The following PCDHA8 variants were observed in gnomAD, a reference collection of about 807,000 sequenced individuals.
PCDHA8 encodes protocadherin alpha-8.
PCDHA8 carries 53 observed loss-of-function variants against 61.8 expected under a neutral mutation model. The ratio of observed to expected loss-of-function variants is 0.86; its 90% CI spans 0.69 to 1.08. The LOEUF (loss-of-function observed/expected upper bound fraction) is 1.08, where lower values mean the gene tolerates loss of function less well. PCDHA8 is among the 50% of genes least tolerant of loss of function. The pLI is 0.00. For missense variants in PCDHA8, 1,293 were observed against 1,245.0 expected, an observed-to-expected ratio of 1.04 and a Z score of -0.58; for synonymous variants, 618 against 556.6, an observed-to-expected ratio of 1.11 and a Z score of -1.55.
chr5:140,853,275 T>C lies in PCDHA8; in HGVS notation c.2394+9560T>C, dbSNP rs144030935. On this transcript the variant is annotated intron_variant, in intron 1 of 3. Coordinates refer to ENST00000531613, the MANE Select transcript of PCDHA8 (RefSeq NM_018911.3). The stretch of plus-strand genomic sequence containing the variant: ...TTCTCTCTCAGAGTACAAGCTCTCA[T>C]CATATGCAAATTCTCAGAAGGGCTG... The C allele has an allele frequency of 8.2e-6, 8 of 978,484 alleles. No homozygotes were observed. The East Asian group carries it at 9.1e-4, about 111-fold the overall frequency. The allele number at this position is 978,484 out of a possible 1,614,324, so 60.6% of individuals were successfully genotyped here. A position where few individuals can be genotyped will look rare whatever the true frequency, so the allele number is the denominator to read the frequency against.
intron 1 of PCDHA8, chr5:140,966,441 C>A (rs2096002534): frequency 4.7e-6 from 2 of 424,804 alleles, no homozygotes; most frequent in South Asian, 1.8e-4. Context: ...CTACCGCTCC[C>A]TTTCCCCCTC....
At chr5:140,869,222 AAC>A (rs1554162674) in intron 1 of PCDHA8, 2 of 1,613,834 alleles carry the variant, frequency 1.2e-6, no homozygotes, top group South Asian at 2.2e-5. Context: ...GAGGAGGCCA[AAC>A]ACGGCACCTT....
At chr5:140,982,230 C>G (rs943404054) in intron 2 of PCDHA8, 9 of 619,854 alleles carry the variant, frequency 1.5e-5, no homozygotes, top group Admixed American at 3.8e-5. Flanking sequence ...TAATAAAAAA[C>G]AGAATTGCCA....
At chr5:140,972,660 ATTTTT>A (rs11350929) in intron 1 of PCDHA8, among the ~76,000 whole-genome samples, 2 of 117,266 alleles carry the variant, frequency 1.7e-5, no homozygotes, top group African/African-American at 3.3e-5. Flanking sequence ...AAGAAACCAA[ATTTTT>A]TTTTTTTTTT....
rs543277248 is a variant in PCDHA8, at chr5:140,857,767, C to A, written c.2394+14052C>A. ...TGGCGTCTCCCGCTGGCAGCGCGGG[C>A]GGTGCAGTCAGTGAGCTGGTGCTGC... On this transcript the variant is annotated intron_variant, in intron 1 of 3. Coordinates refer to ENST00000531613, the MANE Select transcript of PCDHA8 (RefSeq NM_018911.3). 127 of 1,597,456 alleles carry A rather than the reference C, an allele frequency of 8.0e-5. 4 individuals are homozygous for A. The South Asian group carries it at 1.3e-3, about 16-fold the overall frequency.
At chr5:140,952,088 A>G (rs2094684736) in intron 1 of PCDHA8, among the ~76,000 whole-genome samples, 1 of 152,154 alleles carries the variant, frequency 6.6e-6, no homozygotes, top group South Asian at 2.1e-4. Flanking sequence ...TCCATGTCTC[A>G]CATCCAGGGC....
In PCDHA8 at chr5:140,843,809, A is replaced by G; in HGVS notation, c.2394+94A>G. 2.3e-6 allele frequency: 3 copies of G among 1,286,100 alleles called. 1 individual carries two copies. Among genetic ancestry groups the G allele is most frequent in the Non-Finnish European group, 3.2e-6 (3 of 925,236 alleles). 79.7% of individuals were successfully genotyped at this position (1,286,100 alleles called of 1,614,324 possible). A position where few individuals can be genotyped will look rare whatever the true frequency, so the allele number is the denominator to read the frequency against. On this transcript the variant is annotated intron_variant, in intron 1 of 3. Coordinates refer to ENST00000531613, the MANE Select transcript of PCDHA8 (RefSeq NM_018911.3). ...CAGATTTAGTTTTTCACCGTATTTTATAGTGAAAATTTAAACATTGTTTAG... is the reference window on the plus strand; with the variant it reads ...CAGATTTAGTTTTTCACCGTATTTTGTAGTGAAAATTTAAACATTGTTTAG...
Position 140,851,014 on chromosome 5 carries a change from T to G in PCDHA8, c.2394+7299T>G, listed in dbSNP as rs982386368. 9 of 1,434,762 alleles carry G rather than the reference T, an allele frequency of 6.3e-6. No individual in the cohort carries two copies. In the East Asian group the frequency reaches 2.2e-4, roughly 35 times the overall value. The allele number at this position is 1,434,762 out of a possible 1,614,324, so 88.9% of individuals were successfully genotyped here. On this transcript the variant is annotated intron_variant, in intron 1 of 3. Coordinates refer to ENST00000531613, the MANE Select transcript of PCDHA8 (RefSeq NM_018911.3). ...CTAGAAATCCAGCAGATTTTTTTTC[T>G]GATAAAGTAAACCCCTTAACATTGG... is the stretch of plus-strand genomic sequence containing the variant.
intron 1 of PCDHA8, among the ~76,000 whole-genome samples, chr5:140,954,414 G>A (rs1322356989): frequency 1.3e-5 from 2 of 152,010 alleles, no homozygotes; most frequent in Non-Finnish European, 2.9e-5. Flanking sequence ...GGGTAAAGGT[G>A]TTCCTTTTTC....
chr5:140,933,276 G>T (rs1392004837), intron 1 of PCDHA8, among the ~76,000 whole-genome samples: 2 of 151,892 alleles, frequency 1.3e-5, no homozygotes, highest in Non-Finnish European at 2.9e-5. Context: ...TATTCATTTG[G>T]AACTTGTTTT....
At chr5:140,849,170 C>T in intron 1 of PCDHA8, 2 of 1,111,514 alleles carry the variant, frequency 1.8e-6, no homozygotes, top group East Asian at 2.6e-5. Context: ...TGACTGGCAC[C>T]GTTCAATTAC....
At position 140,849,621 on chromosome 5, in the gene PCDHA8, G is replaced by C. The variant is rs2150442688; in HGVS notation, c.2394+5906G>C. 15 of 1,598,666 alleles carry C rather than the reference G, an allele frequency of 9.4e-6. 1 individual carries two copies. The highest frequency in any genetic ancestry group is 1.7e-5 in the Admixed American group (1 of 59,290). ...AGTTATTGCCCTGATTAGTGTGATCGACCTAGACGCAGATGCCAACGGGCA... is the reference window on the plus strand; with the variant it reads ...AGTTATTGCCCTGATTAGTGTGATCCACCTAGACGCAGATGCCAACGGGCA... On this transcript the variant is annotated intron_variant, in intron 1 of 3. Coordinates refer to ENST00000531613, the MANE Select transcript of PCDHA8 (RefSeq NM_018911.3).
intron 1 of PCDHA8, among the ~76,000 whole-genome samples, chr5:140,900,556 C>T (rs757442954): frequency 4.6e-5 from 7 of 152,168 alleles, no homozygotes; most frequent in Non-Finnish European, 5.9e-5. Flanking sequence ...GGATTACAGG[C>T]GTGAGCCACG....
chr5:140,867,218 C>T (rs1306358108), intron 1 of PCDHA8: 1 of 152,104 alleles, frequency 6.6e-6, no homozygotes, highest in Non-Finnish European at 1.5e-5. Context: ...TCTTCATCCC[C>T]AATTCCCATA....
At chr5:140,871,595 C>A in intron 1 of PCDHA8, 1 of 1,454,324 alleles carries the variant, frequency 6.9e-7, no homozygotes, top group South Asian at 1.5e-5. Context: ...TTATGAATAA[C>A]CAGTGTTTTG....
intron 1 of PCDHA8, among the ~76,000 whole-genome samples, chr5:140,957,377 G>A (rs1001680224): frequency 3.3e-5 from 5 of 152,074 alleles, no homozygotes; most frequent in Admixed American, 2.0e-4. Context: ...TTATTATAGT[G>A]TATTGTTATA....
intron 1 of PCDHA8, chr5:140,927,342 T>C: frequency 6.2e-7 from 1 of 1,614,160 alleles, no homozygotes; most frequent in Non-Finnish European, 8.5e-7. Context: ...ATGCCCAAGA[T>C]GACGACGAGG....
chr5:140,843,144 C>G lies in PCDHA8; in HGVS notation c.1823C>G (p.Ser608Trp), dbSNP rs1554139783. Residue 608 changes from serine to tryptophan, a missense_variant, in exon 1 of 4, where the codon TCG becomes TGG. Ser to Trp is a radical substitution (Grantham distance 177). Transcript: ENST00000531613. ...GACTCGGGCTACAACGCGTGGCTTT[C>G]GTATGAGCTGCAGCCAGCTGCAAGC... ...DADSGYNAWL[S>W]YELQPAASSP... 1.9e-6 allele frequency: 3 copies of G among 1,596,036 alleles called. No individual in the cohort carries two copies. Among genetic ancestry groups the G allele is most frequent in the Non-Finnish European group, 2.6e-6 (3 of 1,165,590 alleles).
chr5:140,967,367 C>A (rs1390450808), intron 1 of PCDHA8: 1 of 1,607,250 alleles, frequency 6.2e-7, no homozygotes, highest in Non-Finnish European at 8.5e-7. Flanking sequence ...TAAGCCCCTG[C>A]AGGAGAACAG....
Sources: allele counts gnomAD v4.1 joint callset (sites outside exome capture counted in the v4.1 genomes callset), GRCh38; gene constraint gnomAD v4.1.1; transcripts MANE v1.5; gene names NCBI Gene and HGNC (gene_info 2026-07-23, HGNC 2026-07-21).